Variants in HECTD4 observed in about 807,000 individuals in gnomAD.
The protein encoded by HECTD4 is probable E3 ubiquitin-protein ligase HECTD4.
Under a neutral mutation model 471.5 loss-of-function variants are expected in HECTD4, and 114 were observed. The observed-to-expected ratio is 0.24, with a 90% CI of 0.21 to 0.28. The LOEUF (loss-of-function observed/expected upper bound fraction) is 0.28, where lower values mean the gene tolerates loss of function less well. HECTD4 is among the 10% of genes least tolerant of loss of function. HECTD4 has a pLI of 1.00. For synonymous variants in HECTD4, 2,012 were observed against 2,256.0 expected, an observed-to-expected ratio of 0.89 and a Z score of 3.07; for missense variants, 3,866 against 5,651.5, an observed-to-expected ratio of 0.68 and a Z score of 10.13.
Position 112,213,703 on chromosome 12 carries a change from T to C in HECTD4, c.7466-1053A>G, listed in dbSNP as rs1593936752. Among the ~76,000 whole-genome samples, 1 of 143,398 alleles carries C rather than the reference T, an allele frequency of 7.0e-6. No individual in the cohort carries two copies. The highest frequency in any genetic ancestry group is 1.5e-5 in the Non-Finnish European group (1 of 66,286). 94.1% of individuals were successfully genotyped at this position (143,398 alleles called of 152,430 possible). On this transcript the variant is annotated intron_variant, in intron 48 of 75. Coordinates refer to ENST00000682272, the MANE Select transcript of HECTD4 (RefSeq NM_001388303.1). The surrounding 1 kb of genome is among the most constrained non-coding windows in gnomAD (Gnocchi z 4.0). ...TCCGTCTCAAAAAAATATATACATA[T>C]ATATATATATATATATAATATATAT...
intron 72 of HECTD4, among the ~76,000 whole-genome samples, chr12:112,165,323 C>T (rs2030895625): frequency 6.6e-6 from 1 of 150,462 alleles, no homozygotes; most frequent in Non-Finnish European, 1.5e-5. Context: ...TCAAACCCAT[C>T]ATGCTTTTTG....
intron 1 of HECTD4, among the ~76,000 whole-genome samples, chr12:112,367,456 T>C (rs1021391232): frequency 2.0e-5 from 3 of 152,114 alleles, no homozygotes; most frequent in Admixed American, 6.5e-5. Context: ...ATGGATCCCA[T>C]GCATCTCTGA....
chr12:112,196,740 G>A (rs1170352843), intron 55 of HECTD4, among the ~76,000 whole-genome samples: 3 of 151,976 alleles, frequency 2.0e-5, no homozygotes, highest in Non-Finnish European at 2.9e-5. Flanking sequence ...ACAGACATGC[G>A]CCACTGCTCC....
At position 112,183,134 on chromosome 12, in the gene HECTD4, C is replaced by T. The variant is rs375651960; in HGVS notation, c.10912G>A (p.Val3638Ile). 8 of 1,613,490 alleles carry T rather than the reference C, an allele frequency of 5.0e-6. No homozygotes were observed. The African/African-American group carries it at 6.7e-5, about 13-fold the overall frequency. Reference protein sequence around the residue: ...MSTEEILTVSVVNQSLFDTQG... With the variant: ...MSTEEILTVSIVNQSLFDTQG... The stretch of plus-strand genomic sequence containing the variant: ...GTATCAAAGAGACTCTGATTTACTA[C>T]AGACACGGTTAGAATCTCTTCTGTT... Residue 3638 changes from valine to isoleucine, a missense_variant, in exon 62 of 76, where the codon GTA becomes ATA. This residue lies in a region of HECTD4 where 715 missense variants were observed against 1,087.6 expected (regional missense o/e 0.66). Transcript: ENST00000682272.
At chr12:112,378,824 A>C (rs1050826399) in intron 1 of HECTD4, among the ~76,000 whole-genome samples, 1 of 152,210 alleles carries the variant, frequency 6.6e-6, no homozygotes, top group Admixed American at 6.5e-5. Context: ...CGGGAGGATC[A>C]CAAGGTCAGG....
In HECTD4 at chr12:112,256,424, C is replaced by CGG; in HGVS notation, c.3221_3222dup (p.Val1075ProfsTer38). The CGG allele has an allele frequency of 6.2e-7, 1 of 1,613,024 alleles. No homozygotes were observed. Among genetic ancestry groups the CGG allele is most frequent in the Non-Finnish European group, 8.5e-7 (1 of 1,179,456 alleles). On this transcript the variant is annotated frameshift_variant, in exon 21 of 76. Transcript: ENST00000682272. LOFTEE classifies it high-confidence loss of function. ...TCTTTAAATTTATAGTTGTCTCTGA[C>CGG]GGGGTGGACTGTTTCCACAGTCTTT...
At chr12:112,340,941 C>A (rs1345268019) in intron 1 of HECTD4, among the ~76,000 whole-genome samples, 1 of 152,142 alleles carries the variant, frequency 6.6e-6, no homozygotes, top group African/African-American at 2.4e-5. Flanking sequence ...CTCAATGTGT[C>A]TTGAATAGTT....
intron 1 of HECTD4, among the ~76,000 whole-genome samples, chr12:112,374,947 T>A (rs1427826013): frequency 6.6e-6 from 1 of 152,236 alleles, no homozygotes; most frequent in Non-Finnish European, 1.5e-5. Flanking sequence ...CTGCACATAT[T>A]TAAAGTGTGT....
intron 62 of HECTD4, among the ~76,000 whole-genome samples, chr12:112,181,411 A>G (rs1195246087): frequency 6.6e-6 from 1 of 152,062 alleles, no homozygotes; most frequent in Non-Finnish European, 1.5e-5. Flanking sequence ...TGTACCCAAG[A>G]TCTCACTTAC....
At position 112,184,211 on chromosome 12, in the gene HECTD4, G is replaced by A. The variant is rs1444421155; in HGVS notation, c.10755C>T (p.Pro3585=). ...SLDNQPLAAR[P]IKGFAVVEIR... ...CCTCCACGACTGCGAAGCCTTTGAT[G>A]GGGCGGGCGGCGAGGGGCTGGTTGT... The change falls in exon 61 of 76, where the codon CCC becomes CCT. Residue 3585 remains proline (P), a synonymous_variant. Transcript: ENST00000682272. This position sits in a 1 kb window ranked among gnomAD's most constrained non-coding sequence, Gnocchi z 9.1. 1 of 1,612,034 alleles carries A rather than the reference G, an allele frequency of 6.2e-7. No homozygotes were observed. Among genetic ancestry groups the A allele is most frequent in the Non-Finnish European group, 8.5e-7 (1 of 1,179,074 alleles).
At chr12:112,296,971 T>G (rs1408120010) in intron 7 of HECTD4, among the ~76,000 whole-genome samples, 3 of 147,338 alleles carry the variant, frequency 2.0e-5, no homozygotes, top group African/African-American at 7.6e-5. Flanking sequence ...GCAGAGGGTA[T>G]AGGTGCAGTG....
At position 112,270,249 on chromosome 12, in the gene HECTD4, C is replaced by A; in HGVS notation, c.2153G>T (p.Arg718Leu). Residue 718 changes from arginine (R) to leucine (L), a missense_variant, in exon 12 of 76, where the codon CGC (arginine) becomes CTC (leucine). Physicochemically the swap from Arg to Leu is moderately radical, Grantham distance 102 (BLOSUM62 -2). Around this residue, in one of 16 missense-constraint regions of HECTD4, gnomAD observed 525 missense variants for 672.6 expected, o/e 0.78. Transcript: ENST00000682272. ...TACCTGAAAGACAACGAGAATGCAG[C>A]GTATAATACAGGTATCTCCATTAAC... ...AMVNGDTCIIRCILVVFQVVF... is the reference protein window; with the variant it reads ...AMVNGDTCIILCILVVFQVVF... 6.2e-7 allele frequency: 1 copy of A among 1,612,754 alleles called. No homozygotes were observed. Among genetic ancestry groups the A allele is most frequent in the Non-Finnish European group, 8.5e-7 (1 of 1,178,770 alleles).
At chr12:112,302,754 A>G (rs1009839706) in intron 7 of HECTD4, 2 of 369,416 alleles carry the variant, frequency 5.4e-6, no homozygotes, top group African/African-American at 4.2e-5. Flanking sequence ...CACTTTTCTA[A>G]TGATCCTTGG....
At chr12:112,174,906 G>GGCGTGTGTGTGTGTATGTGCAC (rs1205826718) in intron 66 of HECTD4, among the ~76,000 whole-genome samples, 2 of 152,280 alleles carry the variant, frequency 1.3e-5, no homozygotes, top group East Asian at 3.9e-4. Context: ...GCTGAGTAGG[G>GGCGTGTGTGTGTGTATGTGCAC]GCGTGTGTGT....
chr12:112,212,365 C>T, intron 49 of HECTD4, 122 bp downstream of exon 49: 1 of 770,430 alleles, frequency 1.3e-6, no homozygotes, highest in Non-Finnish European at 2.1e-6. Flanking sequence ...TGCCCTTCCT[C>T]TGCCATTGTG....
At chr12:112,196,420 T>TGG in intron 55 of HECTD4, among the ~76,000 whole-genome samples, 1 of 152,186 alleles carries the variant, frequency 6.6e-6, no homozygotes, top group South Asian at 2.1e-4. Flanking sequence ...AACACACTTC[T>TGG]CCTGTCTCCT....
chr12:112,194,870 A>C lies in HECTD4; in HGVS notation c.8749+15T>G. ...TGCTAAGTTCCAGAGTGACAGCAGC[A>C]AAGCCAAGTTTTACCTGGGAGAGGA... is the stretch of plus-strand genomic sequence containing the variant. On this transcript the variant is annotated intron_variant, in intron 56 of 75. Transcript: ENST00000682272. This position sits in a 1 kb window ranked among gnomAD's most constrained non-coding sequence, Gnocchi z 4.6. 1.9e-6 allele frequency: 3 copies of C among 1,598,612 alleles called. No homozygotes were observed. The highest frequency in any genetic ancestry group is 2.6e-6 in the Non-Finnish European group (3 of 1,172,750).
chr12:112,247,977 TACACACACAC>T (rs59881558), intron 27 of HECTD4, 80 bp downstream of exon 27: 7 of 677,604 alleles, frequency 1.0e-5, no homozygotes, highest in East Asian at 3.1e-5. Context: ...TTATTTTACC[TACACACACAC>T]ACACACACAC....
intron 21 of HECTD4, among the ~76,000 whole-genome samples, chr12:112,254,479 A>G (rs2033963829): frequency 6.6e-6 from 1 of 152,206 alleles, no homozygotes. Flanking sequence ...GTACATCAAT[A>G]TTTTTGAAAT....
Sources: allele counts gnomAD v4.1 joint callset (sites outside exome capture counted in the v4.1 genomes callset), GRCh38; gene constraint gnomAD v4.1.1; regional missense constraint gnomAD v4.1.1; non-coding constraint Gnocchi (gnomAD v3.1); transcripts MANE v1.5; gene names NCBI Gene and HGNC (gene_info 2026-07-23, HGNC 2026-07-21).